WDPCP: variants seen among roughly 807,000 people sequenced by gnomAD.
WDPCP encodes WD repeat containing planar cell polarity effector.
Under a neutral mutation model 93.1 loss-of-function variants are expected in WDPCP, and 71 were observed. The ratio of observed to expected loss-of-function variants is 0.76; its 90% CI spans 0.63 to 0.93. The LOEUF is 0.93. Ranked by LOEUF, WDPCP falls within the 40% of genes least tolerant of loss-of-function variation. The pLI, the probability that WDPCP is intolerant of heterozygous loss-of-function variation, is 0.00. For missense variants in WDPCP, 844 were observed against 887.4 expected (o/e 0.95, Z 0.62); for synonymous variants, 315 against 315.0 (o/e 1.00, Z 0.00).
At chr2:63,332,200 G>A (rs943022462) in intron 12 of WDPCP, among the ~76,000 whole-genome samples, 18 of 151,410 alleles carry the variant, frequency 1.2e-4, no homozygotes, top group African/African-American at 3.9e-4. Flanking sequence ...TGGTTAGAAT[G>A]TATAAATATA....
chr2:63,666,954 C>T (rs949780164), intron 2 of WDPCP, among the ~76,000 whole-genome samples: 27 of 152,008 alleles, frequency 1.8e-4, no homozygotes, highest in African/African-American at 6.0e-4. Flanking sequence ...AGATGCTTTT[C>T]GTTAAATATT....
chr2:63,437,846 A>G (rs2105504986), intron 7 of WDPCP: 1 of 1,598,744 alleles, frequency 6.3e-7, no homozygotes, highest in South Asian at 1.1e-5. Flanking sequence ...GGTATTTTTA[A>G]AAAACTATTT....
intron 2 of WDPCP, among the ~76,000 whole-genome samples, chr2:63,780,721 A>C (rs1670374083): frequency 6.6e-6 from 1 of 152,148 alleles, no homozygotes; most frequent in African/African-American, 2.4e-5. Context: ...TCTCAGGAAA[A>C]CACATCTTTC....
chr2:63,376,693 A>C (rs2104839082), intron 12 of WDPCP, among the ~76,000 whole-genome samples: 1 of 152,064 alleles, frequency 6.6e-6, no homozygotes, highest in South Asian at 2.1e-4. Context: ...AATAAATGTG[A>C]CATTAACCCC....
At chr2:63,575,387 AC>A (rs1707882359) in intron 1 of WDPCP, among the ~76,000 whole-genome samples, 1 of 114,000 alleles carries the variant, frequency 8.8e-6, no homozygotes, top group Non-Finnish European at 1.9e-5. Flanking sequence ...CAGTATATAC[AC>A]GGTATATACA....
intron 17 of WDPCP, among the ~76,000 whole-genome samples, chr2:63,122,758 G>A (rs1194503913): frequency 3.3e-5 from 5 of 151,922 alleles, no homozygotes; most frequent in Non-Finnish European, 7.4e-5. Context: ...GAGTTGAAAT[G>A]GTAAAAGTAA....
At chr2:63,808,929 G>A (rs1670815110) in intron 2 of WDPCP, among the ~76,000 whole-genome samples, 1 of 151,892 alleles carries the variant, frequency 6.6e-6, no homozygotes, top group South Asian at 2.1e-4. Flanking sequence ...TCCCATCTAG[G>A]AAGTGAGGAG....
chr2:63,273,164 AAAAT>A (rs1682789516), intron 13 of WDPCP, among the ~76,000 whole-genome samples: 1 of 152,286 alleles, frequency 6.6e-6, no homozygotes, highest in Middle Eastern at 3.4e-3. Context: ...AAATGAAGGA[AAAAT>A]AAATAAAATG....
At chr2:63,313,192 G>C in intron 13 of WDPCP, 56 bp downstream of exon 13, 3 of 1,522,262 alleles carry the variant, frequency 2.0e-6, no homozygotes, top group Non-Finnish European at 2.7e-6. Context: ...GGTCACAAAA[G>C]CTGACAACTT....
intron 2 of WDPCP, among the ~76,000 whole-genome samples, chr2:63,709,971 C>T (rs1188166795): frequency 6.6e-6 from 1 of 152,118 alleles, no homozygotes; most frequent in Non-Finnish European, 1.5e-5. Flanking sequence ...ATTGTAGTAT[C>T]CTTACACTAA....
At chr2:63,755,248 A>G (rs972925721) in intron 2 of WDPCP, among the ~76,000 whole-genome samples, 1 of 152,232 alleles carries the variant, frequency 6.6e-6, no homozygotes, top group South Asian at 2.1e-4. Flanking sequence ...TACAGGGACC[A>G]TGAGCCAAGA....
chr2:63,146,406 G>GC (rs1268785515), intron 17 of WDPCP, among the ~76,000 whole-genome samples: 1 of 130,420 alleles, frequency 7.7e-6, no homozygotes, highest in Non-Finnish European at 1.6e-5. Flanking sequence ...TTGAGAGCGT[G>GC]TTTTTTTTTT....
intron 15 of WDPCP, among the ~76,000 whole-genome samples, chr2:63,166,207 C>G (rs563894317): frequency 1.3e-4 from 20 of 152,120 alleles, no homozygotes; most frequent in Admixed American, 1.1e-3. Flanking sequence ...GCTGGGACTA[C>G]AGGTGCATGC....
intron 15 of WDPCP, among the ~76,000 whole-genome samples, chr2:63,171,852 A>G (rs1449369168): frequency 6.6e-6 from 1 of 152,238 alleles, no homozygotes; most frequent in Non-Finnish European, 1.5e-5. Flanking sequence ...AATACTATTC[A>G]GCAATTAAGA....
chr2:63,243,698 A>C (rs1180641942), intron 14 of WDPCP, among the ~76,000 whole-genome samples: 1 of 152,118 alleles, frequency 6.6e-6, no homozygotes, highest in Non-Finnish European at 1.5e-5. Context: ...GGAGCTCCCA[A>C]ATTCATAAAA....
chr2:63,411,558 A>C (rs2105267171), intron 9 of WDPCP, among the ~76,000 whole-genome samples: 1 of 152,266 alleles, frequency 6.6e-6, no homozygotes, highest in Admixed American at 6.5e-5. Context: ...AATTGAAACA[A>C]ACAAAAATAC....
chr2:63,160,189 A>G (rs1293776554), intron 15 of WDPCP, among the ~76,000 whole-genome samples: 2 of 152,150 alleles, frequency 1.3e-5, no homozygotes, highest in East Asian at 3.9e-4. Flanking sequence ...AGACAGGAGG[A>G]ATGTGCTTAC....
chr2:63,583,908 C>T (rs1269569020), intron 1 of WDPCP, among the ~76,000 whole-genome samples: 1 of 151,926 alleles, frequency 6.6e-6, no homozygotes, highest in Non-Finnish European at 1.5e-5. Context: ...GCGTTCTAGA[C>T]CAGCCTCAGC....
chr2:63,357,663 G>A (rs1343921217), intron 12 of WDPCP, among the ~76,000 whole-genome samples: 1 of 152,170 alleles, frequency 6.6e-6, no homozygotes, highest in Non-Finnish European at 1.5e-5. Context: ...GGGCAGGAGT[G>A]TTAATTTAGT....
Sources: gnomAD v4.1 joint callset for allele counts (sites outside exome capture counted in the v4.1 genomes callset) on GRCh38, gnomAD v4.1.1 for gene constraint, MANE v1.5 for transcripts, NCBI Gene and HGNC (gene_info 2026-07-23, HGNC 2026-07-21) for gene names.